Variants in ITGA4 observed in about 807,000 individuals in gnomAD.
ITGA4 encodes the protein integrin alpha-4.
ITGA4 carries 63 observed loss-of-function variants against 133.6 expected under a neutral mutation model. The ratio of observed to expected loss-of-function variants is 0.47; its 90% confidence interval spans 0.38 to 0.58. The LOEUF (loss-of-function observed/expected upper bound fraction) is 0.58, where lower values mean the gene tolerates loss of function less well. Ranked by LOEUF, ITGA4 falls within the 20% of genes least tolerant of loss-of-function variation. The pLI, the probability that ITGA4 is intolerant of heterozygous loss-of-function variation, is 0.00. For missense variants in ITGA4, 1,076 were observed against 1,252.7 expected (o/e 0.86, Z 2.13); for synonymous variants, 483 against 438.0 (o/e 1.10, Z -1.28).
intron 10 of ITGA4, among the ~76,000 whole-genome samples, chr2:181,490,639 C>A (rs750201180): frequency 5.9e-4 from 89 of 152,098 alleles, no homozygotes; most frequent in Non-Finnish European, 1.1e-3. Context: ...GGGAATAGCA[C>A]AGGATCTGGA....
intron 16 of ITGA4, among the ~76,000 whole-genome samples, chr2:181,510,491 C>T (rs1367155617): frequency 2.0e-5 from 3 of 152,026 alleles, no homozygotes; most frequent in Admixed American, 1.3e-4. Context: ...TGTCCAAAAA[C>T]AGGATGTGTC....
chr2:181,530,845 T>C (rs115586265), intron 24 of ITGA4, among the ~76,000 whole-genome samples, 196 bp downstream of exon 24: 2,287 of 152,224 alleles, frequency 0.015, 66 homozygotes, highest in African/African-American at 0.053. Context: ...TATAAACATG[T>C]TGGCCGGGTG....
Position 181,480,133 on chromosome 2 carries a change from A to G in ITGA4, c.625-4A>G. The G allele has an allele frequency of 2.0e-6, 3 of 1,522,394 alleles. No individual in the cohort carries two copies. The highest frequency in any genetic ancestry group is 2.6e-5 in the South Asian group (2 of 75,984). 94.3% of individuals were successfully genotyped at this position (1,522,394 alleles called of 1,614,324 possible). A position where few individuals can be genotyped will look rare whatever the true frequency, so the allele number is the denominator to read the frequency against. ...AAATAATAATAGTTTTTTTTTTCTT[A>G]CAGGATTTAATTGTGATGGGGGCCC... On this transcript the variant is annotated splice_region_variant and splice_polypyrimidine_tract_variant and intron_variant, in intron 5 of 27. Coordinates refer to ENST00000397033, the MANE Select transcript of ITGA4 (RefSeq NM_000885.6).
At chr2:181,508,869 A>T (rs538604933) in intron 15 of ITGA4, among the ~76,000 whole-genome samples, 1 of 151,570 alleles carries the variant, frequency 6.6e-6, no homozygotes, top group Admixed American at 6.6e-5. Context: ...AGGGCTGGGT[A>T]TGGTGGCTCA....
intron 25 of ITGA4, 85 bp from the exon 26 acceptor site, chr2:181,534,187 A>C: frequency 1.3e-6 from 1 of 778,794 alleles, no homozygotes; most frequent in South Asian, 1.8e-5. Context: ...AATTGTGAAA[A>C]CCTCTAGCTA....
chr2:181,512,516 C>A (rs1471829859), intron 17 of ITGA4, among the ~76,000 whole-genome samples: 1 of 151,986 alleles, frequency 6.6e-6, no homozygotes, highest in Admixed American at 6.6e-5. Flanking sequence ...CAGATCAAAT[C>A]TTGGAGGACA....
At chr2:181,492,456 C>A (rs143733099) in intron 10 of ITGA4, among the ~76,000 whole-genome samples, 1 of 152,152 alleles carries the variant, frequency 6.6e-6, no homozygotes, top group African/African-American at 2.4e-5. Context: ...TGAAGACAAA[C>A]TACTTTAGGT....
chr2:181,467,202 T>C (rs1472533881), intron 2 of ITGA4, among the ~76,000 whole-genome samples: 1 of 148,766 alleles, frequency 6.7e-6, no homozygotes, highest in Non-Finnish European at 1.5e-5. Context: ...GGTTTTGTCT[T>C]ACAATGGAAT....
chr2:181,458,053 G>A, intron 1 of ITGA4, 143 bp from the exon 2 acceptor site: 1 of 1,255,094 alleles, frequency 8.0e-7, no homozygotes, highest in Non-Finnish European at 1.1e-6. Flanking sequence ...ATGGTGCAAG[G>A]TCTTGGAGCT....
Position 181,509,825 on chromosome 2 carries a change from TA to T in ITGA4, c.1845+19del, listed in dbSNP as rs1337080709. On this transcript the variant is annotated intron_variant, in intron 16 of 27. Transcript: ENST00000397033. ...AAAAAACAGTAGGAATATTTTCCTT[TA>T]TTCAAATTATTGTATGGCATTTAAC... The T allele has an allele frequency of 7.0e-6, 11 of 1,562,890 alleles. No individual in the cohort carries two copies. The highest frequency in any genetic ancestry group is 9.6e-6 in the Non-Finnish European group (11 of 1,140,928).
rs1686500633 is a variant in ITGA4 at position 181,511,210 on chromosome 2, CTT to C, written c.1846-488_1846-487del. The stretch of plus-strand genomic sequence containing the variant: ...AGTTAATTAAATTCTGAAACCCTTA[CTT>C]ATTTAATTTTGTTCAATATTTCCTC... On this transcript the variant is annotated intron_variant, in intron 16 of 27. Coordinates refer to ENST00000397033, the MANE Select transcript of ITGA4 (RefSeq NM_000885.6). Among the ~76,000 whole-genome samples the C allele has an allele frequency of 1.2e-4, 3 of 25,020 alleles. No individual in the cohort carries two copies. In the South Asian group the frequency reaches 0.021, roughly 174 times the overall value. The allele number at this position is 25,020 out of a possible 152,430, so 16.4% of individuals were successfully genotyped here.
chr2:181,494,288 C>T (rs771852659), intron 11 of ITGA4, among the ~76,000 whole-genome samples: 23 of 151,944 alleles, frequency 1.5e-4, no homozygotes, highest in Non-Finnish European at 2.9e-4. Flanking sequence ...TCATGTTGGG[C>T]AAGGAAGTAA....
At chr2:181,481,146 T>C (rs1280599393) in intron 6 of ITGA4, among the ~76,000 whole-genome samples, 6 of 152,210 alleles carry the variant, frequency 3.9e-5, no homozygotes, top group African/African-American at 1.4e-4. Flanking sequence ...AAATATAACT[T>C]GTTACGCCTT....
Position 181,536,851 on chromosome 2 carries a change from A to C in ITGA4, c.*1324A>C, listed in dbSNP as rs1315665769. 2 of 425,518 alleles carry C rather than the reference A, an allele frequency of 4.7e-6. No homozygotes were observed. The highest frequency in any genetic ancestry group is 9.4e-6 in the Non-Finnish European group (2 of 212,836). 26.4% of individuals were successfully genotyped at this position (425,518 alleles called of 1,614,324 possible). On this transcript the variant is annotated 3_prime_UTR_variant, in exon 28 of 28. Coordinates refer to ENST00000397033, the MANE Select transcript of ITGA4 (RefSeq NM_000885.6). ...TTATCTGACTCTGCCTTCATAAGAG[A>C]GCTGTGGCCGAATTTTGAACATCTG...
intron 10 of ITGA4, among the ~76,000 whole-genome samples, chr2:181,490,515 G>C (rs1485344462): frequency 3.8e-5 from 5 of 131,770 alleles, no homozygotes; most frequent in Non-Finnish European, 8.8e-5. Context: ...GTGTGTGTGT[G>C]TGTGTGTGTG....
Position 181,527,403 on chromosome 2 carries a change from T to G in ITGA4, c.2430+16T>G, listed in dbSNP as rs200551226. 15 of 1,528,178 alleles carry G rather than the reference T, an allele frequency of 9.8e-6. No individual in the cohort carries two copies. In the South Asian group the frequency reaches 1.5e-4, roughly 15 times the overall value. The allele number at this position is 1,528,178 out of a possible 1,614,324, so 94.7% of individuals were successfully genotyped here. A position where few individuals can be genotyped will look rare whatever the true frequency, so the allele number is the denominator to read the frequency against. On this transcript the variant is annotated intron_variant, in intron 22 of 27. Coordinates refer to ENST00000397033, the MANE Select transcript of ITGA4 (RefSeq NM_000885.6). ...AACTTTCCATGTAAGAAAAGTTAAT[T>G]GTGTTAATATTTGTAACAACCTAAA...
At chr2:181,529,032 C>T (rs3770105) in intron 22 of ITGA4, among the ~76,000 whole-genome samples, 109,397 of 152,094 alleles carry the variant, frequency 0.72, 39,742 homozygotes, top group South Asian at 0.89. Flanking sequence ...CTGATTATCC[C>T]CTTAGCACAG....
At position 181,482,360 on chromosome 2, in the gene ITGA4, G is replaced by A. The variant is rs1167970967; in HGVS notation, c.841G>A (p.Ala281Thr). 6.8e-6 allele frequency: 11 copies of A among 1,606,816 alleles called. No homozygotes were observed. The highest frequency in any genetic ancestry group is 1.3e-5 in the African/African-American group (1 of 74,536). Residue 281 changes from alanine to threonine, a missense_variant and splice_region_variant, in exon 8 of 28, where the codon GCA (alanine) becomes ACA (threonine). Ala to Thr is a moderately conservative substitution (Grantham distance 58). Transcript: ENST00000397033. ...TTTCTAATTCTTTCCCTAATTACAG[G>A]CATATATATTCAGCATTGATGAAAA... Reference protein sequence around the residue: ...GAPQHEQIGKAYIFSIDEKEL... With the variant: ...GAPQHEQIGKTYIFSIDEKEL...
At chr2:181,478,401 A>G (rs1014631980) in intron 4 of ITGA4, among the ~76,000 whole-genome samples, 2 of 152,086 alleles carry the variant, frequency 1.3e-5, no homozygotes, top group African/African-American at 4.8e-5. Flanking sequence ...CTGTTTCACT[A>G]TGTATACGCA....
Sources: gnomAD v4.1 joint callset for allele counts (sites outside exome capture counted in the v4.1 genomes callset) on GRCh38, gnomAD v4.1.1 for gene constraint, MANE v1.5 for transcripts, NCBI Gene and HGNC (gene_info 2026-07-23, HGNC 2026-07-21) for gene names.